FRY: variants seen among roughly 807,000 people sequenced by gnomAD.
FRY encodes the protein FRY microtubule binding protein.
Under a neutral mutation model 348.4 loss-of-function variants are expected in FRY, and 128 were observed. The observed-to-expected ratio is 0.37, with a 90% confidence interval of 0.32 to 0.43. FRY has a LOEUF of 0.43. Ranked by LOEUF, FRY falls within the 20% of genes least tolerant of loss-of-function variation. The pLI, the probability that FRY is intolerant of heterozygous loss-of-function variation, is 1.00. For missense variants in FRY, 2,736 were observed against 3,695.2 expected (o/e 0.74, Z 6.73); for synonymous variants, 1,370 against 1,374.7 (o/e 1.00, Z 0.08).
chr13:32,173,308 G>A (rs2138220537), intron 18 of FRY, 59 bp from the exon 19 acceptor site: 3 of 1,293,364 alleles, frequency 2.3e-6, no homozygotes, highest in Middle Eastern at 5.3e-4. Context: ...AAACATGAGT[G>A]TATTCTTCTT....
chr13:32,132,313 C>T (rs1879420364), intron 8 of FRY, among the ~76,000 whole-genome samples: 1 of 134,788 alleles, frequency 7.4e-6, no homozygotes, highest in African/African-American at 2.7e-5. Flanking sequence ...TGGTACATAA[C>T]AAAAGAATTG....
Position 32,035,199 on chromosome 13 carries a change from C to G in FRY, c.70+3334C>G, listed in dbSNP as rs369328421. ...CCATGTCTTCCCTTAGCCTTGGCAT[C>G]CAAAGTGGGTTATTTTATGAGTAAT... On this transcript the variant is annotated intron_variant, in intron 1 of 60. Transcript: ENST00000542859. 6.6e-5 allele frequency among the ~76,000 whole-genome samples: 10 copies of G among 152,140 alleles called. No individual in the cohort carries two copies. In the East Asian group the frequency reaches 1.5e-3, roughly 23 times the overall value.
chr13:32,285,773 G>A (rs1009084507), intron 58 of FRY, among the ~76,000 whole-genome samples: 1 of 152,164 alleles, frequency 6.6e-6, no homozygotes, highest in Non-Finnish European at 1.5e-5. Context: ...AGTCATATTT[G>A]ATGTTGTCCA....
intron 60 of FRY, among the ~76,000 whole-genome samples, chr13:32,294,773 G>A (rs1353134936): frequency 2.6e-5 from 4 of 152,066 alleles, no homozygotes; most frequent in Non-Finnish European, 5.9e-5. Context: ...GCCATTTGTC[G>A]TCCCTAAAAT....
At chr13:32,139,536 C>T (rs914150875) in intron 11 of FRY, among the ~76,000 whole-genome samples, 3 of 152,228 alleles carry the variant, frequency 2.0e-5, no homozygotes, top group Non-Finnish European at 4.4e-5. Context: ...TGTAAACAAG[C>T]TCTCAGGGTC....
chr13:32,270,319 T>C (rs1888142372), intron 55 of FRY, among the ~76,000 whole-genome samples: 2 of 151,930 alleles, frequency 1.3e-5, no homozygotes, highest in African/African-American at 2.4e-5. Flanking sequence ...GCGATTCTCC[T>C]GCCGCAGCCT....
chr13:32,267,239 T>C lies in FRY; in HGVS notation c.8016T>C (p.Phe2672=). ...TCTTCTCAGCCATCCTTGCCGCCTTTCAGCCCGCAGCCTGTGACGATGCCG... is the reference window on the plus strand; with the variant it reads ...TCTTCTCAGCCATCCTTGCCGCCTTCCAGCCCGCAGCCTGTGACGATGCCG... ...SPFFSAILAA[F]QPAACDDAEE... The change falls in exon 55 of 61, where the codon TTT becomes TTC. Residue 2672 remains phenylalanine, a synonymous_variant. Coordinates refer to ENST00000542859, the MANE Select transcript of FRY (RefSeq NM_023037.3). 1 of 1,614,168 alleles carries C rather than the reference T, an allele frequency of 6.2e-7. No homozygotes were observed. Among genetic ancestry groups the C allele is most frequent in the East Asian group, 2.2e-5 (1 of 44,880 alleles).
chr13:32,079,919 A>G (rs1252812736), intron 2 of FRY, among the ~76,000 whole-genome samples: 2 of 152,244 alleles, frequency 1.3e-5, no homozygotes, highest in African/African-American at 2.4e-5. Context: ...TTGCAGAATA[A>G]TAACTTAAAA....
chr13:32,074,988 C>A (rs1874941676), intron 1 of FRY, among the ~76,000 whole-genome samples: 1 of 152,124 alleles, frequency 6.6e-6, no homozygotes, highest in Non-Finnish European at 1.5e-5. Flanking sequence ...GAAAGCACCC[C>A]AGGTAGAGAG....
chr13:32,197,991 A>G (rs772671745), intron 29 of FRY, among the ~76,000 whole-genome samples: 1 of 152,204 alleles, frequency 6.6e-6, no homozygotes, highest in Non-Finnish European at 1.5e-5. Flanking sequence ...TGAAAGGTAT[A>G]AGATTCCATT....
chr13:32,263,773 C>T (rs1452285586), intron 53 of FRY, among the ~76,000 whole-genome samples: 1 of 152,186 alleles, frequency 6.6e-6, no homozygotes, highest in African/African-American at 2.4e-5. Context: ...CTTCGGGAGG[C>T]CGAGGCGGGT....
At position 32,173,399 on chromosome 13, in the gene FRY, G is replaced by A. The variant is rs180934757; in HGVS notation, c.2184G>A (p.Gln728=). 1 of 1,612,326 alleles carries A rather than the reference G, an allele frequency of 6.2e-7. No individual in the cohort carries two copies. The highest frequency in any genetic ancestry group is 1.3e-5 in the African/African-American group (1 of 74,972). Residue 728 remains glutamine, a synonymous_variant, in exon 19 of 61, where the codon CAG becomes CAA. Transcript: ENST00000542859. Reference sequence around the variant, plus strand: ...CAAATGGCTCCAGTCACAGAATTCAGTCGGAACGAGGTCCCCACTGCAGTG... The same window carrying A: ...CAAATGGCTCCAGTCACAGAATTCAATCGGAACGAGGTCCCCACTGCAGTG... ...LIANGSSHRI[Q]SERGPHCSVL...
At chr13:32,260,256 T>C (rs532453496) in intron 51 of FRY, among the ~76,000 whole-genome samples, 2 of 152,364 alleles carry the variant, frequency 1.3e-5, no homozygotes, top group African/African-American at 4.8e-5. Flanking sequence ...CAGAAAAAGT[T>C]GTTTTATTTT....
At chr13:32,034,064 G>A (rs753436571) in intron 1 of FRY, among the ~76,000 whole-genome samples, 4 of 152,176 alleles carry the variant, frequency 2.6e-5, no homozygotes, top group Non-Finnish European at 4.4e-5. Context: ...ACCTGCACGC[G>A]CATGCCTGGC....
intron 2 of FRY, among the ~76,000 whole-genome samples, chr13:32,100,053 T>C (rs1471145243): frequency 6.6e-6 from 1 of 151,900 alleles, no homozygotes; most frequent in African/African-American, 2.4e-5. Flanking sequence ...TTACTTTGCT[T>C]CTAAATCTAG....
chr13:32,186,625 G>T (rs536371350), intron 27 of FRY, among the ~76,000 whole-genome samples: 2 of 151,990 alleles, frequency 1.3e-5, no homozygotes, highest in South Asian at 4.2e-4. Flanking sequence ...CTCCTGTATG[G>T]GAACCATATA....
intron 59 of FRY, among the ~76,000 whole-genome samples, chr13:32,290,191 G>T (rs189041958): frequency 6.6e-6 from 1 of 152,024 alleles, no homozygotes; most frequent in East Asian, 1.9e-4. Context: ...CTTAGCACCA[G>T]GATATTTTAA....
At chr13:32,047,920 G>A (rs1016525850) in intron 1 of FRY, among the ~76,000 whole-genome samples, 3 of 151,856 alleles carry the variant, frequency 2.0e-5, no homozygotes, top group Non-Finnish European at 4.4e-5. Context: ...AACCTGAAGC[G>A]TGAGCTTTTT....
chr13:32,152,181 A>G (rs1880837253), intron 14 of FRY, among the ~76,000 whole-genome samples: 1 of 152,220 alleles, frequency 6.6e-6, no homozygotes, highest in Non-Finnish European at 1.5e-5. Context: ...GTTGTCCCCA[A>G]ATTGATCTAT....
Sources: gnomAD v4.1 joint callset for allele counts (sites outside exome capture counted in the v4.1 genomes callset) on GRCh38, gnomAD v4.1.1 for gene constraint, MANE v1.5 for transcripts, NCBI Gene and HGNC (gene_info 2026-07-23, HGNC 2026-07-21) for gene names.